SEL1L2: variants seen among roughly 807,000 people sequenced by gnomAD.
The protein encoded by SEL1L2 is protein sel-1 homolog 2.
In SEL1L2, 89 loss-of-function variants were observed where a neutral mutation model predicts 98.8. That is an observed-to-expected ratio of 0.90 (90% CI 0.76 to 1.07). SEL1L2 has a LOEUF of 1.07. SEL1L2 is among the 50% of genes least tolerant of loss of function. The pLI is 0.00. For synonymous variants in SEL1L2, 262 were observed against 278.5 expected, an observed-to-expected ratio of 0.94 and a Z score of 0.59; for missense variants, 788 against 812.0, an observed-to-expected ratio of 0.97 and a Z score of 0.36.
intron 2 of SEL1L2, among the ~76,000 whole-genome samples, chr20:13,932,442 TTA>T (rs2049191823): frequency 6.5e-5 from 8 of 122,442 alleles, no homozygotes; most frequent in African/African-American, 1.7e-4. Context: ...ATTATTATTA[TTA>T]TTTTTTGAGA....
intron 1 of SEL1L2, among the ~76,000 whole-genome samples, chr20:13,965,281 T>C (rs1478088768): frequency 6.6e-6 from 1 of 152,050 alleles, no homozygotes; most frequent in Non-Finnish European, 1.5e-5. Context: ...TAGTAAGAGG[T>C]CAACCTGGCA....
rs780971162 is a variant in SEL1L2 at position 13,859,319 on chromosome 20, G to A, written c.1761C>T (p.Asn587=). ...HYSIAANKYH[N]AQAMFNLAYM... is the part of the protein sequence containing the mutation. ...AAGCCAGATTGAACATGGCTTGCGC[G>A]TTGTGGTATTTGTTGGCTGCAATGC... The change falls in exon 18 of 20, where the codon AAC becomes AAT. Residue 587 remains asparagine, a synonymous_variant. Transcript: ENST00000284951. 1.9e-5 allele frequency: 30 copies of A among 1,614,176 alleles called. No individual in the cohort carries two copies. Among genetic ancestry groups the A allele is most frequent in the Admixed American group, 5.0e-5 (3 of 60,022 alleles).
chr20:13,887,755 T>C lies in SEL1L2; in HGVS notation c.745+14A>G. On this transcript the variant is annotated intron_variant, in intron 8 of 19. Coordinates refer to ENST00000284951, the MANE Select transcript of SEL1L2 (RefSeq NM_025229.2). The stretch of plus-strand genomic sequence containing the variant: ...CAACTGTTTATTTTAAAATAAATTA[T>C]GTGGATTACTTACTATAATCTGCCA... 6.6e-7 allele frequency: 1 copy of C among 1,509,966 alleles called. No homozygotes were observed. The highest frequency in any genetic ancestry group is 9.2e-7 in the Non-Finnish European group (1 of 1,089,288). 93.5% of individuals were successfully genotyped at this position (1,509,966 alleles called of 1,614,324 possible). A position where few individuals can be genotyped will look rare whatever the true frequency, so the allele number is the denominator to read the frequency against.
At chr20:13,948,086 G>A (rs780136721) in intron 2 of SEL1L2, among the ~76,000 whole-genome samples, 4 of 152,210 alleles carry the variant, frequency 2.6e-5, no homozygotes, top group African/African-American at 9.7e-5. Flanking sequence ...AGCCACAGAG[G>A]CTTCCAGCTG....
intron 12 of SEL1L2, among the ~76,000 whole-genome samples, chr20:13,874,815 G>T (rs896403578): frequency 1.3e-5 from 2 of 152,188 alleles, no homozygotes; most frequent in African/African-American, 4.8e-5. Flanking sequence ...CAGTTGAAAT[G>T]ATTCCTGGTT....
At chr20:13,918,364 C>T (rs2048501584) in intron 4 of SEL1L2, among the ~76,000 whole-genome samples, 1 of 152,086 alleles carries the variant, frequency 6.6e-6, no homozygotes. Flanking sequence ...AGGTTGTGCC[C>T]CTCCACTGGA....
At chr20:13,960,540 G>C (rs773984425) in intron 1 of SEL1L2, among the ~76,000 whole-genome samples, 38 of 152,076 alleles carry the variant, frequency 2.5e-4, no homozygotes, top group Non-Finnish European at 4.6e-4. Context: ...TTACGACAAG[G>C]GTGTTTATTT....
chr20:13,909,043 T>C (rs2048103717), intron 5 of SEL1L2, among the ~76,000 whole-genome samples: 1 of 148,758 alleles, frequency 6.7e-6, no homozygotes, highest in African/African-American at 2.6e-5. Flanking sequence ...TCCTTATTTC[T>C]GACTGTTCTT....
chr20:13,945,580 C>A (rs1483465201), intron 2 of SEL1L2, among the ~76,000 whole-genome samples: 1 of 151,944 alleles, frequency 6.6e-6, no homozygotes, highest in Non-Finnish European at 1.5e-5. Flanking sequence ...GGAACACTTT[C>A]AAACTTATTC....
At chr20:13,875,858 A>G (rs1462348831) in intron 12 of SEL1L2, among the ~76,000 whole-genome samples, 180 bp downstream of exon 12, 1 of 152,210 alleles carries the variant, frequency 6.6e-6, no homozygotes, top group Non-Finnish European at 1.5e-5. Context: ...TCATTTTCCA[A>G]GAAGGCAAGT....
chr20:13,888,633 C>CACTTT, intron 5 of SEL1L2, 121 bp from the exon 6 acceptor site: 1 of 232,092 alleles, frequency 4.3e-6, no homozygotes, highest in Non-Finnish European at 7.3e-6. Context: ...TTCTTTCTTT[C>CACTTT]TCTTTTTTTT....
At chr20:13,957,665 C>T (rs1420204347) in intron 1 of SEL1L2, among the ~76,000 whole-genome samples, 2 of 152,060 alleles carry the variant, frequency 1.3e-5, no homozygotes, top group Non-Finnish European at 2.9e-5. Flanking sequence ...TCCCTTGAGC[C>T]CAGGAGTTTT....
chr20:13,945,973 C>T (rs2049988510), intron 2 of SEL1L2, among the ~76,000 whole-genome samples: 3 of 152,072 alleles, frequency 2.0e-5, no homozygotes, highest in Admixed American at 1.3e-4. Context: ...TGAAGGGTTA[C>T]ATACTCCATG....
chr20:13,990,488 A>G lies in SEL1L2; in HGVS notation c.47T>C (p.Val16Ala), dbSNP rs1407909259. The G allele has an allele frequency of 1.2e-5, 20 of 1,611,628 alleles. No homozygotes were observed. In the Admixed American group the frequency reaches 3.2e-4, roughly 26 times the overall value. ...ACAAAAAAACTTACTTTTAATTGTG[A>G]CCCCAAGAATTATCAATATCTCTAT... The part of the protein sequence containing the change: ...LLIEILIILG[V>A]TIKTIKAEEH... The change falls in exon 1 of 20, where the codon GTC becomes GCC. Residue 16 changes from valine to alanine, a missense_variant. Val to Ala is a moderately conservative substitution (Grantham distance 64). Coordinates refer to ENST00000284951, the MANE Select transcript of SEL1L2 (RefSeq NM_025229.2).
chr20:13,964,438 T>C (rs1391920347), intron 1 of SEL1L2, among the ~76,000 whole-genome samples: 1 of 122,732 alleles, frequency 8.1e-6, no homozygotes, highest in African/African-American at 2.9e-5. Context: ...TGCTATCTGC[T>C]ATCTCTTCAT....
chr20:13,915,365 G>A (rs922458589), intron 4 of SEL1L2: 3 of 624,494 alleles, frequency 4.8e-6, no homozygotes, highest in African/African-American at 1.9e-5. Context: ...AGGCGGGAAG[G>A]CAAACAAGGC....
intron 16 of SEL1L2, 24 bp downstream of exon 16, chr20:13,865,325 G>T: frequency 6.2e-7 from 1 of 1,612,180 alleles, no homozygotes; most frequent in Non-Finnish European, 8.5e-7. Context: ...TTGGGGGATT[G>T]CAGAGAATTT....
rs567386808 is a variant in SEL1L2, at chr20:13,938,311, C to T, written c.115-6540G>A. On this transcript the variant is annotated intron_variant, in intron 2 of 19. Transcript: ENST00000284951. ...GGTCAGGCTCATCTCGAACCCCTGA[C>T]CTTGTGATCTGCCCACCTCGGCCTC... Among the ~76,000 whole-genome samples the T allele has an allele frequency of 9.5e-4, 145 of 152,142 alleles. 1 individual carries two copies. The highest frequency in any genetic ancestry group is 3.3e-3 in the African/African-American group (139 of 41,516).
chr20:13,951,154 A>G (rs182730433), intron 2 of SEL1L2, among the ~76,000 whole-genome samples: 8 of 151,174 alleles, frequency 5.3e-5, no homozygotes, highest in East Asian at 2.0e-4. Context: ...GCGGGCGCCT[A>G]TAGTCCCAGC....
Sources: gnomAD v4.1 joint callset for allele counts (sites outside exome capture counted in the v4.1 genomes callset) on GRCh38, gnomAD v4.1.1 for gene constraint, MANE v1.5 for transcripts, NCBI Gene and HGNC (gene_info 2026-07-23, HGNC 2026-07-21) for gene names.